PHF14: variants seen among roughly 807,000 people sequenced by gnomAD.
PHF14 encodes PHD finger protein 14.
PHF14 carries 55 observed loss-of-function variants against 117.9 expected under a neutral mutation model. That is an observed-to-expected ratio of 0.47 (90% confidence interval 0.38 to 0.58). The LOEUF is 0.58. Among genes scored for constraint, PHF14 ranks in the 20% least tolerant of loss-of-function variants. The pLI, the probability that PHF14 is intolerant of heterozygous loss-of-function variation, is 0.00. For missense variants in PHF14, 978 were observed against 1,122.2 expected (o/e 0.87, Z 1.84); for synonymous variants, 409 against 368.6 (o/e 1.11, Z -1.26).
At chr7:11,016,529 A>C (rs1783541630) in intron 5 of PHF14, among the ~76,000 whole-genome samples, 1 of 152,092 alleles carries the variant, frequency 6.6e-6, no homozygotes, top group Non-Finnish European at 1.5e-5. Context: ...TATCTTATGG[A>C]GAGTAAGACT....
intron 16 of PHF14, chr7:11,104,561 T>G (rs1787194899): frequency 4.1e-6 from 4 of 982,524 alleles, no homozygotes; most frequent in East Asian, 1.1e-4. Flanking sequence ...TGATAGTTGT[T>G]TATCACACAG....
chr7:11,129,352 CTTAGA>C (rs1788023301), intron 17 of PHF14, among the ~76,000 whole-genome samples: 1 of 151,904 alleles, frequency 6.6e-6, no homozygotes, highest in Non-Finnish European at 1.5e-5. Flanking sequence ...CATATTCTTT[CTTAGA>C]TTATTTTCTT....
intron 17 of PHF14, among the ~76,000 whole-genome samples, chr7:11,134,959 T>C (rs118030880): frequency 6.6e-6 from 1 of 152,214 alleles, no homozygotes; most frequent in Non-Finnish European, 1.5e-5. Flanking sequence ...CATGCTGATA[T>C]CTTTGTCCTC....
intron 4 of PHF14, among the ~76,000 whole-genome samples, chr7:11,002,114 G>A (rs140017740): frequency 1.9e-4 from 29 of 151,682 alleles, no homozygotes; most frequent in South Asian, 6.2e-4. Context: ...GCGCAATTTC[G>A]GCTCACTGCA....
intron 16 of PHF14, among the ~76,000 whole-genome samples, chr7:11,071,647 A>G (rs1785615768): frequency 6.6e-6 from 1 of 152,188 alleles, no homozygotes; most frequent in Non-Finnish European, 1.5e-5. Flanking sequence ...TCACCTCAAA[A>G]ATTACTATGC....
At chr7:11,158,644 A>T (rs114842222) in intron 17 of PHF14, among the ~76,000 whole-genome samples, 170 of 152,186 alleles carry the variant, frequency 1.1e-3, no homozygotes, top group African/African-American at 3.9e-3. Flanking sequence ...AACTGATTTC[A>T]TATTTTTGTC....
chr7:10,997,266 CATG>C (rs1232342403), intron 4 of PHF14, among the ~76,000 whole-genome samples: 2 of 152,098 alleles, frequency 1.3e-5, no homozygotes, highest in African/African-American at 4.8e-5. Flanking sequence ...AATTTAGTAA[CATG>C]AGGGTCATTG....
intron 4 of PHF14, among the ~76,000 whole-genome samples, chr7:10,995,500 C>G (rs1019325929): frequency 2.6e-5 from 4 of 152,234 alleles, no homozygotes; most frequent in African/African-American, 9.6e-5. Flanking sequence ...CCCAGTGGAT[C>G]CCGCACCAGG....
intron 16 of PHF14, chr7:11,104,222 G>A: frequency 1.0e-6 from 1 of 984,098 alleles, no homozygotes; most frequent in Non-Finnish European, 1.2e-6. Context: ...TTTCCATCTT[G>A]CATTTTCAGT....
At chr7:11,041,256 C>T (rs1040245484) in intron 12 of PHF14, among the ~76,000 whole-genome samples, 1 of 151,666 alleles carries the variant, frequency 6.6e-6, no homozygotes, top group African/African-American at 2.4e-5. Flanking sequence ...TCACTTTGTT[C>T]GCATAAGTAT....
chr7:11,091,303 G>A (rs1251081775), intron 16 of PHF14, among the ~76,000 whole-genome samples: 6 of 152,168 alleles, frequency 3.9e-5, no homozygotes, highest in Non-Finnish European at 8.8e-5. Flanking sequence ...ATGACTTTAA[G>A]CTGAATAATG....
chr7:11,059,542 A>C (rs1785137523), intron 14 of PHF14, among the ~76,000 whole-genome samples: 1 of 152,172 alleles, frequency 6.6e-6, no homozygotes, highest in African/African-American at 2.4e-5. Flanking sequence ...TTGGGAGGCC[A>C]AGGCAGGTGG....
intron 5 of PHF14, among the ~76,000 whole-genome samples, chr7:11,022,570 G>A (rs943210581): frequency 6.6e-6 from 1 of 152,120 alleles, no homozygotes; most frequent in Non-Finnish European, 1.5e-5. Flanking sequence ...AAATATTTAA[G>A]AATAGATAAG....
chr7:11,000,449 C>T (rs142286434), intron 4 of PHF14, among the ~76,000 whole-genome samples: 8 of 147,756 alleles, frequency 5.4e-5, no homozygotes, highest in African/African-American at 1.5e-4. Flanking sequence ...CTGCGATTCT[C>T]GTGCCTCAGC....
At chr7:11,081,057 GTATATATGTGTGTGTGTATTTATATGTA>G (rs1562455920) in intron 16 of PHF14, among the ~76,000 whole-genome samples, 1 of 151,982 alleles carries the variant, frequency 6.6e-6, no homozygotes, top group East Asian at 1.9e-4. Context: ...AAATATATAT[GTATATATGTGTGTGTGTATTTATATGTA>G]TATATATGTG....
chr7:11,130,652 A>G lies in PHF14; in HGVS notation c.2772+19185A>G, dbSNP rs1308143265. On this transcript the variant is annotated intron_variant, in intron 17 of 17. Transcript: ENST00000634607. The surrounding 1 kb of genome is among the most constrained non-coding windows in gnomAD (Gnocchi z 4.2). ...CATGTGGTACATTTGTTAAAAATTG[A>G]TGAGCCAGTATTGATACATTATTAT... Among the ~76,000 whole-genome samples the G allele has an allele frequency of 6.6e-6, 1 of 151,930 alleles. No homozygotes were observed. Among genetic ancestry groups the G allele is most frequent in the Non-Finnish European group, 1.5e-5 (1 of 67,922 alleles).
At chr7:11,082,930 C>T (rs1786207924) in intron 16 of PHF14, among the ~76,000 whole-genome samples, 1 of 152,190 alleles carries the variant, frequency 6.6e-6, no homozygotes, top group Non-Finnish European at 1.5e-5. Context: ...TTACTACATG[C>T]CCAGGCATGC....
chr7:11,103,146 A>G (rs1425533554), intron 16 of PHF14: 1 of 978,720 alleles, frequency 1.0e-6, no homozygotes, highest in Non-Finnish European at 1.2e-6. Context: ...CTTGTGAAGC[A>G]TATGACATTC....
chr7:10,983,300 C>T, intron 3 of PHF14, 141 bp downstream of exon 3: 2 of 799,640 alleles, frequency 2.5e-6, no homozygotes, highest in Non-Finnish European at 3.7e-6. Flanking sequence ...CTAACTGTAA[C>T]ATTTTTTCAT....
Sources: allele counts gnomAD v4.1 joint callset (sites outside exome capture counted in the v4.1 genomes callset), GRCh38; gene constraint gnomAD v4.1.1; non-coding constraint Gnocchi (gnomAD v3.1); transcripts MANE v1.5; gene names NCBI Gene and HGNC (gene_info 2026-07-23, HGNC 2026-07-21).